The following FRMD4B variants were observed in gnomAD, a reference collection of about 807,000 sequenced individuals.
FRMD4B encodes FERM domain containing 4B.
In FRMD4B, 74 loss-of-function variants were observed where a neutral mutation model predicts 141.5. The ratio of observed to expected loss-of-function variants is 0.52; its 90% CI spans 0.43 to 0.63. FRMD4B has a LOEUF of 0.63. Ranked by LOEUF, FRMD4B falls within the 30% of genes least tolerant of loss-of-function variation. FRMD4B has a pLI of 0.00. For synonymous variants in FRMD4B, 506 were observed against 467.9 expected (o/e 1.08, Z -1.05); for missense variants, 1,366 against 1,253.4 (o/e 1.09, Z -1.36).
intron 1 of FRMD4B, chr3:69,376,735 A>G (rs1252261932): frequency 6.6e-6 from 1 of 152,066 alleles, no homozygotes; most frequent in Non-Finnish European, 1.5e-5. Flanking sequence ...TGTTAATTTT[A>G]ATTTTTTTCA....
intron 1 of FRMD4B, chr3:69,321,013 G>A (rs1053203309): frequency 6.6e-6 from 1 of 152,306 alleles, no homozygotes; most frequent in South Asian, 2.1e-4. Context: ...AGATCAGAAG[G>A]GAAGTAAGAA....
intron 1 of FRMD4B, among the ~76,000 whole-genome samples, chr3:69,495,797 T>C (rs17006021): frequency 1.3e-5 from 2 of 152,202 alleles, no homozygotes; most frequent in African/African-American, 4.8e-5. Context: ...AACTATGAAA[T>C]GGACATACAA....
chr3:69,200,782 A>AG, intron 11 of FRMD4B: 1 of 782,652 alleles, frequency 1.3e-6, no homozygotes, highest in Non-Finnish European at 1.9e-6. Context: ...AGGCTGTTTT[A>AG]GGAAGACATT....
Position 69,216,471 on chromosome 3 carries a change from C to T in FRMD4B, c.790-122G>A, listed in dbSNP as rs139163279. On this transcript the variant is annotated intron_variant, in intron 10 of 22. Coordinates refer to ENST00000398540, the MANE Select transcript of FRMD4B (RefSeq NM_015123.3). The stretch of plus-strand genomic sequence containing the variant: ...TTTTTGAGACGGAGTCTCATTCTGT[C>T]ACCAGGCTGGAGTGCAGTGGCATGA... The T allele has an allele frequency of 1.1e-3, 622 of 566,960 alleles. 8 individuals are homozygous for T. The African/African-American group carries it at 0.012, about 11-fold the overall frequency. The allele number at this position is 566,960 out of a possible 1,614,324, so 35.1% of individuals were successfully genotyped here. A position where few individuals can be genotyped will look rare whatever the true frequency, so the allele number is the denominator to read the frequency against.
intron 5 of FRMD4B, among the ~76,000 whole-genome samples, chr3:69,281,688 G>A (rs1475233384): frequency 1.3e-5 from 2 of 151,976 alleles, no homozygotes; most frequent in East Asian, 3.9e-4. Context: ...ACTGGGTGTG[G>A]TGATGCGTGC....
At chr3:69,277,633 C>A (rs762983890) in intron 5 of FRMD4B, among the ~76,000 whole-genome samples, 2 of 144,636 alleles carry the variant, frequency 1.4e-5, no homozygotes, top group Non-Finnish European at 3.0e-5. Flanking sequence ...CAAGGCAATT[C>A]TCCTGCCTCA....
chr3:69,407,948 C>T (rs1031902325), intron 2 of FRMD4B, among the ~76,000 whole-genome samples: 3 of 152,014 alleles, frequency 2.0e-5, no homozygotes, highest in South Asian at 2.1e-4. Flanking sequence ...TAGGGGGTCA[C>T]GGAAAAGCGT....
At chr3:69,244,965 C>CT (rs2093412757) in intron 7 of FRMD4B, among the ~76,000 whole-genome samples, 1 of 152,100 alleles carries the variant, frequency 6.6e-6, no homozygotes, top group South Asian at 2.1e-4. Context: ...TGATGAACAT[C>CT]TTTTTTCCCA....
rs368490822 is a variant in FRMD4B at position 69,216,256 on chromosome 3, C to T, written c.876+7G>A. ...TTCAAAGTTCTCCTAAAGTGATCCA[C>T]ACTTACCTTCCGAGGCTTCACCTTG... is the stretch of plus-strand genomic sequence containing the variant. On this transcript the variant is annotated splice_region_variant and intron_variant, in intron 11 of 22. Transcript: ENST00000398540. 17 of 1,432,152 alleles carry T rather than the reference C, an allele frequency of 1.2e-5. No individual in the cohort carries two copies. Among genetic ancestry groups the T allele is most frequent in the African/African-American group, 2.8e-5 (2 of 71,616 alleles). The allele number at this position is 1,432,152 out of a possible 1,614,324, so 88.7% of individuals were successfully genotyped here. A position where few individuals can be genotyped will look rare whatever the true frequency, so the allele number is the denominator to read the frequency against.
At chr3:69,231,141 G>A (rs1211698101) in intron 7 of FRMD4B, among the ~76,000 whole-genome samples, 2 of 152,178 alleles carry the variant, frequency 1.3e-5, no homozygotes, top group Non-Finnish European at 2.9e-5. Flanking sequence ...ACAAAACAAA[G>A]ACAAGAAAAC....
chr3:69,468,029 T>C (rs192495827), intron 1 of FRMD4B, among the ~76,000 whole-genome samples: 40 of 152,362 alleles, frequency 2.6e-4, no homozygotes, highest in Admixed American at 2.2e-3. Context: ...TCTGAACTGA[T>C]TAACAGAGTT....
At chr3:69,540,206 T>C (rs1005168139) in intron 1 of FRMD4B, among the ~76,000 whole-genome samples, 1 of 151,652 alleles carries the variant, frequency 6.6e-6, no homozygotes, top group African/African-American at 2.4e-5. Context: ...GGAAGAATTG[T>C]AGAAACACCA....
In FRMD4B at chr3:69,188,649, C is replaced by T. The variant is rs375561278; in HGVS notation, c.1772-732G>A. Among the ~76,000 whole-genome samples the T allele has an allele frequency of 5.3e-4, 79 of 149,990 alleles. 1 individual carries two copies. The highest frequency in any genetic ancestry group is 1.8e-3 in the African/African-American group (72 of 40,746). On this transcript the variant is annotated intron_variant, in intron 18 of 22. Coordinates refer to ENST00000398540, the MANE Select transcript of FRMD4B (RefSeq NM_015123.3). ...GCGGGCGCCTGTAGTCCCAGCTACT[C>T]GGGAGGCTGAGGCAGGAGAATGGCG...
intron 1 of FRMD4B, among the ~76,000 whole-genome samples, chr3:69,380,865 T>G (rs1295032744): frequency 1.3e-5 from 2 of 152,232 alleles, no homozygotes; most frequent in African/African-American, 4.8e-5. Context: ...CTGAGGGTTT[T>G]GTTAGAACAT....
At chr3:69,536,813 C>T in intron 1 of FRMD4B, 1 of 399,478 alleles carries the variant, frequency 2.5e-6, no homozygotes, top group Non-Finnish European at 4.6e-6. Flanking sequence ...ATGGCACTAT[C>T]ACGGCTCACT....
chr3:69,203,341 A>AAAAAAAAAG (rs1553700373), intron 11 of FRMD4B, among the ~76,000 whole-genome samples: 61 of 76,796 alleles, frequency 7.9e-4, no homozygotes, highest in Non-Finnish European at 1.2e-3. Context: ...AAAAAAAAAA[A>AAAAAAAAAG]AAAGAAAGAA....
chr3:69,189,950 C>G lies in FRMD4B; in HGVS notation c.1717G>C (p.Asp573His), dbSNP rs1036625801. ...PSQKATVLPE[D>H]IIPSESSSLS... ...GAGCTACTCTCTGAGGGGATTATGT[C>G]TTCTGTGAATAAAAATAACTGCCTT... is the stretch of plus-strand genomic sequence containing the variant. The change falls in exon 18 of 23, where the codon GAC becomes CAC. Residue 573 changes from aspartate (D) to histidine (H), a missense_variant and splice_region_variant. Coordinates refer to ENST00000398540, the MANE Select transcript of FRMD4B (RefSeq NM_015123.3). 1 of 1,580,864 alleles carries G rather than the reference C, an allele frequency of 6.3e-7. No individual in the cohort carries two copies. The highest frequency in any genetic ancestry group is 8.7e-7 in the Non-Finnish European group (1 of 1,150,506).
intron 2 of FRMD4B, among the ~76,000 whole-genome samples, chr3:69,392,884 G>A (rs1704409465): frequency 6.6e-6 from 1 of 152,104 alleles, no homozygotes; most frequent in Non-Finnish European, 1.5e-5. Flanking sequence ...GAGGCTAGGT[G>A]ACTGGTCTCC....
At chr3:69,491,458 G>C (rs139474672) in intron 1 of FRMD4B, among the ~76,000 whole-genome samples, 2 of 152,258 alleles carry the variant, frequency 1.3e-5, no homozygotes, top group Non-Finnish European at 2.9e-5. Flanking sequence ...TCTTCTTCTG[G>C]ATAAAAGAGC....
Sources: allele counts gnomAD v4.1 joint callset (sites outside exome capture counted in the v4.1 genomes callset), GRCh38; gene constraint gnomAD v4.1.1; transcripts MANE v1.5; gene names NCBI Gene and HGNC (gene_info 2026-07-23, HGNC 2026-07-21).